Variants in PCSK6 observed in about 807,000 individuals in gnomAD.
The protein encoded by PCSK6 is paired basic amino acid cleaving enzyme 4.
In PCSK6, 85 loss-of-function variants were observed where a neutral mutation model predicts 123.3. That is an observed-to-expected ratio of 0.69 (90% CI 0.58 to 0.83). The LOEUF is 0.83. Among genes scored for constraint, PCSK6 ranks in the 40% least tolerant of loss-of-function variants. The pLI, the probability that PCSK6 is intolerant of heterozygous loss-of-function variation, is 0.00. For missense variants in PCSK6, 1,191 were observed against 1,282.3 expected (o/e 0.93, Z 1.09); for synonymous variants, 508 against 516.0 (o/e 0.98, Z 0.21).
chr15:101,370,653 G>T (rs2955963), intron 11 of PCSK6, 130 bp from the exon 12 acceptor site: 4 of 772,702 alleles, frequency 5.2e-6, no homozygotes, highest in African/African-American at 1.8e-5. Context: ...CCGGGGAGCC[G>T]CAGCAGCCTC....
chr15:101,328,617 A>G (rs2040311131), intron 15 of PCSK6, among the ~76,000 whole-genome samples: 1 of 151,924 alleles, frequency 6.6e-6, no homozygotes, highest in Non-Finnish European at 1.5e-5. Context: ...CACACCCCCC[A>G]CCCCTGTTCC....
At chr15:101,320,859 C>T (rs576869028) in intron 18 of PCSK6, among the ~76,000 whole-genome samples, 33 of 152,334 alleles carry the variant, frequency 2.2e-4, no homozygotes, top group South Asian at 1.0e-3. Flanking sequence ...GGAGTTTGCA[C>T]GCCTCTCTGA....
chr15:101,366,737 C>A (rs377344076), intron 12 of PCSK6, among the ~76,000 whole-genome samples: 7 of 152,298 alleles, frequency 4.6e-5, no homozygotes, highest in South Asian at 4.1e-4. Context: ...CCCGGATGCA[C>A]GAAAGCAGAC....
At position 101,360,177 on chromosome 15, in the gene PCSK6, C is replaced by A. The variant is rs979557315; in HGVS notation, c.1858+6019G>T. ...ATACACTCCACTGATGCTGCCCCGTCGGAGTCACCTTCACCTGATATTGCA... is the reference window on the plus strand; with the variant it reads ...ATACACTCCACTGATGCTGCCCCGTAGGAGTCACCTTCACCTGATATTGCA... On this transcript the variant is annotated intron_variant, in intron 13 of 21. Coordinates refer to ENST00000611716, the MANE Select transcript of PCSK6 (RefSeq NM_002570.5). 2.0e-5 allele frequency among the ~76,000 whole-genome samples: 3 copies of A among 152,154 alleles called. No individual in the cohort carries two copies. In the South Asian group the frequency reaches 6.2e-4, roughly 32 times the overall value.
intron 1 of PCSK6, among the ~76,000 whole-genome samples, chr15:101,446,198 C>T (rs1460142832): frequency 6.6e-6 from 1 of 152,262 alleles, no homozygotes; most frequent in Non-Finnish European, 1.5e-5. Context: ...AAGGGGACAC[C>T]AGCCAAGGCT....
chr15:101,460,220 A>G (rs1244738477), intron 1 of PCSK6, among the ~76,000 whole-genome samples: 2 of 151,798 alleles, frequency 1.3e-5, no homozygotes, highest in African/African-American at 4.8e-5. Context: ...CTCCCCTCAG[A>G]AGACTCTCTC....
At chr15:101,313,703 C>A in intron 19 of PCSK6, 198 bp from the exon 20 acceptor site, 1 of 668,126 alleles carries the variant, frequency 1.5e-6, no homozygotes. Context: ...ATCACCATTT[C>A]ACAGACGGGG....
intron 1 of PCSK6, among the ~76,000 whole-genome samples, chr15:101,454,768 A>C (rs2141185209): frequency 6.6e-6 from 1 of 152,226 alleles, no homozygotes; most frequent in East Asian, 1.9e-4. Flanking sequence ...AACAGCGTGA[A>C]ACCCCGCCTC....
In PCSK6 at chr15:101,380,951, A is replaced by C. The variant is rs540327422; in HGVS notation, c.1532+1141T>G. Among the ~76,000 whole-genome samples the C allele has an allele frequency of 2.0e-5, 3 of 152,352 alleles. No individual in the cohort carries two copies. The East Asian group carries it at 5.8e-4, about 29-fold the overall frequency. Reference sequence around the variant, plus strand: ...CTGTATCAGATACAAGGCCCAGAGAAACACCGTTCTCCTTAAAAACAGCTG... The same window carrying C: ...CTGTATCAGATACAAGGCCCAGAGACACACCGTTCTCCTTAAAAACAGCTG... On this transcript the variant is annotated intron_variant, in intron 11 of 21. Transcript: ENST00000611716.
intron 6 of PCSK6, among the ~76,000 whole-genome samples, chr15:101,402,607 A>G (rs376498799): frequency 2.0e-5 from 3 of 152,238 alleles, no homozygotes; most frequent in Non-Finnish European, 4.4e-5. Context: ...AAAAGTGGGC[A>G]AAGGATATGA....
intron 1 of PCSK6, among the ~76,000 whole-genome samples, chr15:101,488,793 C>T (rs1271705287): frequency 6.6e-6 from 1 of 151,452 alleles, no homozygotes; most frequent in Non-Finnish European, 1.5e-5. Flanking sequence ...GGTGCAGGCT[C>T]CCGGCCATCT....
chr15:101,318,210 C>A, intron 19 of PCSK6, 109 bp downstream of exon 19: 1 of 758,516 alleles, frequency 1.3e-6, no homozygotes, highest in South Asian at 1.7e-5. Flanking sequence ...CATTTTAATG[C>A]TGCAATAAAT....
At chr15:101,489,159 T>TCC (rs1336085960) in intron 1 of PCSK6, among the ~76,000 whole-genome samples, 371 of 32,568 alleles carry the variant, frequency 0.011, 26 homozygotes, top group East Asian at 0.059. Context: ...GGGACCCCAG[T>TCC]CCCCCCCACC....
chr15:101,483,069 C>A (rs186387618), intron 1 of PCSK6, among the ~76,000 whole-genome samples: 1 of 152,182 alleles, frequency 6.6e-6, no homozygotes, highest in Non-Finnish European at 1.5e-5. Context: ...CAGTTCACAC[C>A]CAGAACCTCT....
chr15:101,462,515 A>C (rs971460087), intron 1 of PCSK6, among the ~76,000 whole-genome samples: 3 of 152,206 alleles, frequency 2.0e-5, no homozygotes, highest in African/African-American at 7.2e-5. Context: ...CCACATATCA[A>C]GCCTTATTAT....
intron 11 of PCSK6, among the ~76,000 whole-genome samples, chr15:101,374,205 T>A (rs1273938024): frequency 6.6e-6 from 1 of 152,182 alleles, no homozygotes; most frequent in Non-Finnish European, 1.5e-5. Context: ...TCCCTTCTCC[T>A]GAGGAGGCGA....
intron 20 of PCSK6, chr15:101,313,164 G>T (rs373560809): frequency 6.7e-7 from 1 of 1,491,370 alleles, no homozygotes; most frequent in Non-Finnish European, 9.0e-7. Flanking sequence ...GCTGCTGCAC[G>T]GTGTCTGCCC....
At chr15:101,441,882 G>A (rs1166265111) in intron 2 of PCSK6, among the ~76,000 whole-genome samples, 1 of 152,168 alleles carries the variant, frequency 6.6e-6, no homozygotes, top group Non-Finnish European at 1.5e-5. Context: ...AAAGTGTGGA[G>A]GGATGCTGCG....
chr15:101,414,703 T>C (rs1050253101), intron 6 of PCSK6, among the ~76,000 whole-genome samples: 1 of 152,016 alleles, frequency 6.6e-6, no homozygotes, highest in African/African-American at 2.4e-5. Flanking sequence ...AGAAACTACA[T>C]CTAACCAGCA....
Sources: gnomAD v4.1 joint callset for allele counts (sites outside exome capture counted in the v4.1 genomes callset) on GRCh38, gnomAD v4.1.1 for gene constraint, MANE v1.5 for transcripts, NCBI Gene and HGNC (gene_info 2026-07-23, HGNC 2026-07-21) for gene names.